GFI1: variants seen among roughly 807,000 people sequenced by gnomAD.
GFI1 encodes zinc finger protein Gfi-1.
In GFI1, 15 loss-of-function variants were observed where a neutral mutation model predicts 39.2. The observed-to-expected ratio is 0.38, with a 90% confidence interval of 0.26 to 0.59. The LOEUF (loss-of-function observed/expected upper bound fraction) is 0.59, where lower values mean the gene tolerates loss of function less well. GFI1 is among the 20% of genes least tolerant of loss of function. The pLI is 0.62. For missense variants in GFI1, 475 were observed against 574.0 expected, an observed-to-expected ratio of 0.83 and a Z score of 1.76; for synonymous variants, 239 against 254.3, an observed-to-expected ratio of 0.94 and a Z score of 0.57.
intron 1 of GFI1, 55 bp downstream of exon 1, chr1:92,486,671 A>G (rs1658542289): frequency 6.6e-6 from 1 of 152,072 alleles, no homozygotes; most frequent in Non-Finnish European, 1.5e-5. Flanking sequence ...AGGCCCCGAA[A>G]TAGCTTGTTG....
In GFI1 at chr1:92,480,591, G is replaced by T; in HGVS notation, c.786+10C>A. The T allele has an allele frequency of 6.5e-7, 1 of 1,544,624 alleles. No individual in the cohort carries two copies. Among genetic ancestry groups the T allele is most frequent in the Non-Finnish European group, 8.7e-7 (1 of 1,148,588 alleles). On this transcript the variant is annotated intron_variant, in intron 4 of 6. Coordinates refer to ENST00000294702, the MANE Select transcript of GFI1 (RefSeq NM_005263.5). The surrounding 1 kb of genome is among the most constrained non-coding windows in gnomAD (Gnocchi z 5.6). ...CACGGCAGGCGAGGTGGTGAGCTCG[G>T]GAGCCTCACCTTGCTGCACTTGATG...
chr1:92,481,192 C>T lies in GFI1; in HGVS notation c.299-104G>A. On this transcript the variant is annotated intron_variant, in intron 3 of 6. Transcript: ENST00000294702. The surrounding 1 kb of genome is among the most constrained non-coding windows in gnomAD (Gnocchi z 4.3). ...GCGTGTTCGCGGACTGCGGGGCACC[C>T]AGCGCTTGTAGAACACTGCGTGCGC... is the stretch of plus-strand genomic sequence containing the variant. 9.6e-7 allele frequency: 1 copy of T among 1,037,350 alleles called. No individual in the cohort carries two copies. The highest frequency in any genetic ancestry group is 1.4e-6 in the Non-Finnish European group (1 of 689,880). 64.3% of individuals were successfully genotyped at this position (1,037,350 alleles called of 1,614,324 possible).
In GFI1 at chr1:92,484,548, A is replaced by G. The variant is rs1173267095; in HGVS notation, c.-99-962T>C. ...GTGCACCGACAATTTAGCAGACAAA[A>G]AAGACAGGACGCCAGAGCGCGCAGG... On this transcript the variant is annotated intron_variant, in intron 1 of 6. Transcript: ENST00000294702. The surrounding 1 kb of genome is among the most constrained non-coding windows in gnomAD (Gnocchi z 4.1). 6.6e-6 allele frequency: 1 copy of G among 152,274 alleles called. No homozygotes were observed. Among genetic ancestry groups the G allele is most frequent in the Non-Finnish European group, 1.5e-5 (1 of 68,086 alleles). The allele number at this position is 152,274 out of a possible 1,614,324, so 9.4% of individuals were successfully genotyped here.
intron 1 of GFI1, among the ~76,000 whole-genome samples, chr1:92,485,643 C>T (rs911279754): frequency 8.5e-5 from 13 of 152,132 alleles, no homozygotes; most frequent in Admixed American, 2.0e-4. Flanking sequence ...GTGGGGCGGC[C>T]CCTCCGCGCG....
rs1053356442 is a variant in GFI1, at chr1:92,482,653, C to A, written c.298+211G>T. Among the ~76,000 whole-genome samples, 2 of 152,254 alleles carry A rather than the reference C, an allele frequency of 1.3e-5. No individual in the cohort carries two copies. The highest frequency in any genetic ancestry group is 2.4e-5 in the African/African-American group (1 of 41,470). The stretch of plus-strand genomic sequence containing the variant: ...TAAGCGACAAGCAGCTAGGGTCCTG[C>A]CGCCTGGGATGGAGGCAGCAGCCCC... On this transcript the variant is annotated intron_variant, in intron 3 of 6. Coordinates refer to ENST00000294702, the MANE Select transcript of GFI1 (RefSeq NM_005263.5). The surrounding 1 kb of genome is among the most constrained non-coding windows in gnomAD (Gnocchi z 4.4).
At position 92,474,435 on chromosome 1, in the gene GFI1, C is replaced by A. The variant is rs1441613518; in HGVS notation, c.*1594G>T. ...CTTTATTCATCTGGGAGCCTTCAGG[C>A]CCCTAAAAAAATATGTTGACATTTT... On this transcript the variant is annotated 3_prime_UTR_variant, in exon 7 of 7. Transcript: ENST00000294702. Among the ~76,000 whole-genome samples, 1 of 152,148 alleles carries A rather than the reference C, an allele frequency of 6.6e-6. No homozygotes were observed.
At chr1:92,479,383 G>C (rs1658113266) in intron 5 of GFI1, among the ~76,000 whole-genome samples, 1 of 152,174 alleles carries the variant, frequency 6.6e-6, no homozygotes, top group Non-Finnish European at 1.5e-5. Context: ...GCCTTCGTAA[G>C]TAGGCATTCT....
chr1:92,478,796 G>C, intron 5 of GFI1, 43 bp from the exon 6 acceptor site: 1 of 651,756 alleles, frequency 1.5e-6, no homozygotes, highest in Non-Finnish European at 2.2e-6. Flanking sequence ...AGAGAGAGAT[G>C]CAGAACTCCT....
intron 1 of GFI1, among the ~76,000 whole-genome samples, chr1:92,485,614 G>C (rs1276254653): frequency 6.6e-6 from 1 of 152,192 alleles, no homozygotes. Context: ...GCAACCCCGC[G>C]CTGCAGCTGG....
chr1:92,481,154 G>A lies in GFI1; in HGVS notation c.299-66C>T. 7.2e-7 allele frequency: 1 copy of A among 1,391,058 alleles called. No homozygotes were observed. Among genetic ancestry groups the A allele is most frequent in the Non-Finnish European group, 1.0e-6 (1 of 996,716 alleles). 86.2% of individuals were successfully genotyped at this position (1,391,058 alleles called of 1,614,324 possible). A position where few individuals can be genotyped will look rare whatever the true frequency, so the allele number is the denominator to read the frequency against. On this transcript the variant is annotated intron_variant, in intron 3 of 6. Coordinates refer to ENST00000294702, the MANE Select transcript of GFI1 (RefSeq NM_005263.5). The surrounding 1 kb of genome is among the most constrained non-coding windows in gnomAD (Gnocchi z 4.3). Reference sequence around the variant, plus strand: ...GGCAGAGCGGAGGCCGCCGGGCTGCGGCTGCGAGCGTGGCGTGTTCGCGGA... The same window carrying A: ...GGCAGAGCGGAGGCCGCCGGGCTGCAGCTGCGAGCGTGGCGTGTTCGCGGA...
At position 92,482,021 on chromosome 1, in the gene GFI1, G is replaced by A. The variant is rs1258119878; in HGVS notation, c.298+843C>T. Among the ~76,000 whole-genome samples the A allele has an allele frequency of 1.3e-5, 2 of 152,038 alleles. No homozygotes were observed. Among genetic ancestry groups the A allele is most frequent in the Admixed American group, 1.3e-4 (2 of 15,268 alleles). Reference sequence around the variant, plus strand: ...TGTACCCGGAGTTTCGTTCGGAGGGGTTCGGGGCGCGCCCAATCCTTGTCT... The same window carrying A: ...TGTACCCGGAGTTTCGTTCGGAGGGATTCGGGGCGCGCCCAATCCTTGTCT... On this transcript the variant is annotated intron_variant, in intron 3 of 6. Transcript: ENST00000294702. This position sits in a 1 kb window ranked among gnomAD's most constrained non-coding sequence, Gnocchi z 4.4.
chr1:92,483,856 C>A, intron 1 of GFI1: 1 of 356,602 alleles, frequency 2.8e-6, no homozygotes. Context: ...TCCCTGCCCA[C>A]GCCCCCCAGC....
At position 92,474,584 on chromosome 1, in the gene GFI1, G is replaced by A. The variant is rs1263613907; in HGVS notation, c.*1445C>T. On this transcript the variant is annotated 3_prime_UTR_variant, in exon 7 of 7. Transcript: ENST00000294702. The stretch of plus-strand genomic sequence containing the variant: ...AAGATGAAAGAAGTATCTCTGAGGT[G>A]TAGCAGCAAAGGAGAAAGTATATGG... Among the ~76,000 whole-genome samples the A allele has an allele frequency of 6.6e-6, 1 of 152,214 alleles. No individual in the cohort carries two copies. Among genetic ancestry groups the A allele is most frequent in the Non-Finnish European group, 1.5e-5 (1 of 68,038 alleles).
In GFI1 at chr1:92,480,725, A is replaced by T. The variant is rs370626442; in HGVS notation, c.662T>A (p.Leu221Gln). The change falls in exon 4 of 7, where the codon CTG (leucine) becomes CAG (glutamine). Residue 221 changes from leucine (L) to glutamine (Q), a missense_variant. This residue lies in a region of GFI1 where 79 missense variants were observed against 68.4 expected (regional missense o/e 1.15). Transcript: ENST00000294702. This position sits in a 1 kb window ranked among gnomAD's most constrained non-coding sequence, Gnocchi z 5.6. ...YERPTAAAGL[L>Q]YPERGHGLHA... is the part of the protein sequence containing the mutation. The stretch of plus-strand genomic sequence containing the variant: ...CAGCCCGTGGCCACGCTCGGGGTAC[A>T]GCAAGCCCGCCGCTGCCGTGGGCCT... 32 of 1,594,666 alleles carry T rather than the reference A, an allele frequency of 2.0e-5. No homozygotes were observed. The highest frequency in any genetic ancestry group is 2.5e-5 in the Non-Finnish European group (29 of 1,176,964).
In GFI1 at chr1:92,481,932, C is replaced by T. The variant is rs1056652895; in HGVS notation, c.299-844G>A. On this transcript the variant is annotated intron_variant, in intron 3 of 6. Coordinates refer to ENST00000294702, the MANE Select transcript of GFI1 (RefSeq NM_005263.5). This position sits in a 1 kb window ranked among gnomAD's most constrained non-coding sequence, Gnocchi z 4.3. ...CGCATGTGAGTGCATACGGCATTTA[C>T]AAATGTGTGTGTGTGTGTGTGCGCA... 1.1e-5 allele frequency among the ~76,000 whole-genome samples: 1 copy of T among 93,952 alleles called. No homozygotes were observed. The highest frequency in any genetic ancestry group is 4.0e-5 in the African/African-American group (1 of 24,938). The allele number at this position is 93,952 out of a possible 152,430, so 61.6% of individuals were successfully genotyped here.
At chr1:92,479,784 G>A (rs957021578) in intron 5 of GFI1, among the ~76,000 whole-genome samples, 13 of 152,026 alleles carry the variant, frequency 8.6e-5, no homozygotes, top group African/African-American at 2.4e-4. Context: ...ACCTGACAGG[G>A]GGAGGTTGCA....
chr1:92,478,388 C>T (rs1658058065), intron 6 of GFI1, among the ~76,000 whole-genome samples, 200 bp downstream of exon 6: 1 of 152,154 alleles, frequency 6.6e-6, no homozygotes, highest in Non-Finnish European at 1.5e-5. Flanking sequence ...TCAGACACAA[C>T]CCCAAATCAA....
At chr1:92,483,828 C>G (rs1658408826) in intron 1 of GFI1, 1 of 384,674 alleles carries the variant, frequency 2.6e-6, no homozygotes, top group Admixed American at 3.7e-5. Context: ...GGGGCCCTGT[C>G]TCAGGCCCCT....
At chr1:92,483,172 G>T (rs554378173) in intron 2 of GFI1, 126 bp from the exon 3 acceptor site, 1 of 954,016 alleles carries the variant, frequency 1.0e-6, no homozygotes, top group East Asian at 2.6e-5. Context: ...ACCCCGGCCG[G>T]GAACCCTCTC....
Sources: allele counts gnomAD v4.1 joint callset (sites outside exome capture counted in the v4.1 genomes callset), GRCh38; gene constraint gnomAD v4.1.1; regional missense constraint gnomAD v4.1.1; non-coding constraint Gnocchi (gnomAD v3.1); transcripts MANE v1.5; gene names NCBI Gene and HGNC (gene_info 2026-07-23, HGNC 2026-07-21).